Variants in MTA3 observed in about 807,000 individuals in gnomAD.
MTA3 encodes metastasis-associated protein MTA3.
In MTA3, 34 loss-of-function variants were observed where a neutral mutation model predicts 83.5. The ratio of observed to expected loss-of-function variants is 0.41; its 90% confidence interval spans 0.31 to 0.54. The LOEUF (loss-of-function observed/expected upper bound fraction) is 0.54. MTA3 is among the 20% of genes least tolerant of loss of function. The pLI, the probability that MTA3 is intolerant of heterozygous loss-of-function variation, is 0.33. For synonymous variants in MTA3, 303 were observed against 252.7 expected (o/e 1.20, Z -1.89); for missense variants, 761 against 726.4 (o/e 1.05, Z -0.55).
chr2:42,498,080 T>C (rs894475557), intron 2 of MTA3, among the ~76,000 whole-genome samples: 3 of 152,190 alleles, frequency 2.0e-5, no homozygotes, highest in Admixed American at 6.5e-5. Context: ...GCTTTAGAAA[T>C]TGAAATACCC....
At chr2:42,533,773 A>T (rs1465710315) in intron 2 of MTA3, among the ~76,000 whole-genome samples, 1 of 147,492 alleles carries the variant, frequency 6.8e-6, no homozygotes, top group Non-Finnish European at 1.5e-5. Context: ...CCGAGGGTGC[A>T]GTGAGCTGAG....
At chr2:42,500,066 T>G (rs1674328794) in intron 2 of MTA3, among the ~76,000 whole-genome samples, 1 of 151,722 alleles carries the variant, frequency 6.6e-6, no homozygotes, top group South Asian at 2.1e-4. Context: ...GTCAGGAGTT[T>G]GAGACCAGCC....
At chr2:42,626,307 A>AT (rs1160073274) in intron 4 of MTA3, among the ~76,000 whole-genome samples, 1 of 132,798 alleles carries the variant, frequency 7.5e-6, no homozygotes, top group South Asian at 2.4e-4. Flanking sequence ...TTTTTTTAAA[A>AT]TTTTTTTTGA....
At chr2:42,614,248 C>G (rs1684576869) in intron 4 of MTA3, 1 of 152,110 alleles carries the variant, frequency 6.6e-6, no homozygotes, top group African/African-American at 2.4e-5. Context: ...CAGGCAAGTG[C>G]CAGCACACCC....
At chr2:42,673,807 G>A (rs1296525808) in intron 8 of MTA3, among the ~76,000 whole-genome samples, 1 of 152,218 alleles carries the variant, frequency 6.6e-6, no homozygotes, top group African/African-American at 2.4e-5. Context: ...CAGGAAGAGT[G>A]TGTGGACTTT....
intron 2 of MTA3, among the ~76,000 whole-genome samples, chr2:42,495,684 T>C (rs1674098092): frequency 6.6e-6 from 1 of 152,174 alleles, no homozygotes; most frequent in Non-Finnish European, 1.5e-5. Flanking sequence ...GGATCTCAAC[T>C]GCAGCATTTA....
intron 2 of MTA3, chr2:42,532,861 G>A (rs1251502136): frequency 1.4e-5 from 5 of 365,094 alleles, no homozygotes; most frequent in Non-Finnish European, 2.1e-5. Flanking sequence ...TGGCACTTCA[G>A]TTGAACCCAG....
chr2:42,569,053 C>A (rs1678153909), intron 1 of MTA3, among the ~76,000 whole-genome samples: 1 of 152,166 alleles, frequency 6.6e-6, no homozygotes, highest in Non-Finnish European at 1.5e-5. Flanking sequence ...TACCAGACAC[C>A]CCCCTCCACG....
At chr2:42,621,727 A>T (rs1057467638) in intron 4 of MTA3, among the ~76,000 whole-genome samples, 5 of 149,100 alleles carry the variant, frequency 3.4e-5, no homozygotes, top group African/African-American at 1.3e-4. Flanking sequence ...GGGGCTCCTC[A>T]CTTCTCAGAC....
At chr2:42,513,332 A>T (rs1041465595) in intron 2 of MTA3, among the ~76,000 whole-genome samples, 1 of 152,222 alleles carries the variant, frequency 6.6e-6, no homozygotes, top group East Asian at 1.9e-4. Flanking sequence ...CTGAGAAAGG[A>T]TTCAGCAATC....
intron 16 of MTA3, 81 bp from the exon 17 acceptor site, chr2:42,753,293 G>A (rs993176587): frequency 6.5e-7 from 1 of 1,545,608 alleles, no homozygotes; most frequent in Admixed American, 2.0e-5. Flanking sequence ...GATGTTGGGA[G>A]GGGTGAGTCC....
At chr2:42,591,814 C>T (rs1418111445) in intron 3 of MTA3, among the ~76,000 whole-genome samples, 1 of 152,088 alleles carries the variant, frequency 6.6e-6, no homozygotes, top group African/African-American at 2.4e-5. Flanking sequence ...CCACGCCCAG[C>T]TAATTTTTGT....
chr2:42,564,714 C>G (rs553784353), upstream of MTA3, among the ~76,000 whole-genome samples: 1 of 152,292 alleles, frequency 6.6e-6, no homozygotes, highest in East Asian at 1.9e-4. Context: ...CATTTTAGAC[C>G]TCCAGGCTCC....
intron 2 of MTA3, among the ~76,000 whole-genome samples, chr2:42,543,454 G>A (rs938256006): frequency 1.3e-5 from 2 of 151,704 alleles, no homozygotes; most frequent in African/African-American, 4.8e-5. Context: ...GGGTTTACAG[G>A]CGTGAGCCAC....
chr2:42,603,785 G>A (rs1260037384), intron 3 of MTA3, among the ~76,000 whole-genome samples: 1 of 152,160 alleles, frequency 6.6e-6, no homozygotes, highest in Non-Finnish European at 1.5e-5. Flanking sequence ...TTGAGACGGA[G>A]TCTGGCTCTG....
chr2:42,647,022 G>A (rs979714411), intron 6 of MTA3, among the ~76,000 whole-genome samples: 8 of 151,222 alleles, frequency 5.3e-5, no homozygotes, highest in African/African-American at 1.9e-4. Context: ...CGGGCGTGGT[G>A]GCGGGCGCCT....
At chr2:42,545,379 A>G (rs72800074) in intron 2 of MTA3, among the ~76,000 whole-genome samples, 1,979 of 152,270 alleles carry the variant, frequency 0.013, 25 homozygotes, top group Non-Finnish European at 0.021. Flanking sequence ...CCTTGTCTCA[A>G]AAATAAAATT....
At chr2:42,496,608 GAAAAAAAA>G (rs35316146) in intron 2 of MTA3, among the ~76,000 whole-genome samples, 26 of 122,042 alleles carry the variant, frequency 2.1e-4, no homozygotes, top group Admixed American at 3.4e-4. Context: ...CAGAACCTAG[GAAAAAAAA>G]AAAAAAAAAA....
At chr2:42,673,969 T>C (rs1316184181) in intron 8 of MTA3, among the ~76,000 whole-genome samples, 1 of 152,236 alleles carries the variant, frequency 6.6e-6, no homozygotes, top group Non-Finnish European at 1.5e-5. Context: ...TTTCAGTGGC[T>C]TATAACAACA....
Sources: allele counts gnomAD v4.1 joint callset (sites outside exome capture counted in the v4.1 genomes callset), GRCh38; gene constraint gnomAD v4.1.1; transcripts MANE v1.5; gene names NCBI Gene and HGNC (gene_info 2026-07-23, HGNC 2026-07-21).